The following ZNF804A variants were observed in gnomAD, a reference collection of about 807,000 sequenced individuals.
ZNF804A encodes zinc finger protein 804A.
A neutral mutation model predicts 16.5 loss-of-function variants in ZNF804A; 2 were observed. The ratio of observed to expected loss-of-function variants is 0.12; its 90% CI spans 0.05 to 0.38. ZNF804A has a LOEUF of 0.38. ZNF804A is among the 10% of genes least tolerant of loss of function. ZNF804A has a pLI of 0.99. For missense variants in ZNF804A, 1,473 were observed against 1,390.7 expected (o/e 1.06, Z -0.94); for synonymous variants, 534 against 489.6 (o/e 1.09, Z -1.20).
intron 1 of ZNF804A, among the ~76,000 whole-genome samples, chr2:184,724,913 G>T (rs1693382200): frequency 6.6e-6 from 1 of 151,748 alleles, no homozygotes; most frequent in Non-Finnish European, 1.5e-5. Flanking sequence ...TAATTTTAAG[G>T]CAGTAGGCTG....
chr2:184,623,519 A>G (rs1691449500), intron 1 of ZNF804A, among the ~76,000 whole-genome samples: 2 of 152,120 alleles, frequency 1.3e-5, no homozygotes, highest in South Asian at 4.1e-4. Context: ...TACTATGTTA[A>G]TGGTTCCAAG....
At chr2:184,916,492 C>T (rs539260673) in intron 2 of ZNF804A, among the ~76,000 whole-genome samples, 12 of 152,072 alleles carry the variant, frequency 7.9e-5, no homozygotes, top group Non-Finnish European at 1.6e-4. Flanking sequence ...GAACAATATC[C>T]AGTAAGTGAA....
intron 1 of ZNF804A, among the ~76,000 whole-genome samples, chr2:184,705,567 C>T (rs1425347576): frequency 6.6e-6 from 1 of 152,058 alleles, no homozygotes; most frequent in Non-Finnish European, 1.5e-5. Flanking sequence ...TGTAGTAACC[C>T]AAGGGGTTAG....
intron 1 of ZNF804A, among the ~76,000 whole-genome samples, chr2:184,681,281 C>T (rs895516627): frequency 2.6e-5 from 4 of 152,128 alleles, no homozygotes; most frequent in African/African-American, 7.2e-5. Flanking sequence ...AGAGCCTACA[C>T]TATGCCACAA....
At chr2:184,609,477 C>T (rs1336939558) in intron 1 of ZNF804A, among the ~76,000 whole-genome samples, 2 of 152,192 alleles carry the variant, frequency 1.3e-5, no homozygotes, top group Admixed American at 6.5e-5. Context: ...TAAAAATTAA[C>T]TCTTTGCCTT....
chr2:184,790,124 G>C (rs1366405907), intron 1 of ZNF804A, among the ~76,000 whole-genome samples: 1 of 151,946 alleles, frequency 6.6e-6, no homozygotes, highest in African/African-American at 2.4e-5. Context: ...CCATGTACTT[G>C]TGTAGATTTG....
intron 1 of ZNF804A, among the ~76,000 whole-genome samples, chr2:184,724,592 A>G (rs1693374446): frequency 6.6e-6 from 1 of 151,822 alleles, no homozygotes; most frequent in East Asian, 1.9e-4. Context: ...AGGGAATATT[A>G]GTCACTGAAT....
chr2:184,913,790 T>C (rs1383230414), intron 2 of ZNF804A, among the ~76,000 whole-genome samples: 1 of 152,136 alleles, frequency 6.6e-6, no homozygotes, highest in Non-Finnish European at 1.5e-5. Context: ...CACTCAATAA[T>C]AGTTTCTAAA....
intron 1 of ZNF804A, among the ~76,000 whole-genome samples, chr2:184,844,502 T>C (rs554840959): frequency 2.0e-5 from 3 of 152,236 alleles, no homozygotes; most frequent in South Asian, 4.1e-4. Context: ...TCTAGGTTGT[T>C]GTTTTTTCTT....
At chr2:184,620,037 A>G (rs1691392343) in intron 1 of ZNF804A, among the ~76,000 whole-genome samples, 1 of 151,852 alleles carries the variant, frequency 6.6e-6, no homozygotes, top group Non-Finnish European at 1.5e-5. Flanking sequence ...ACTATTTTAT[A>G]TCACAAAATT....
intron 1 of ZNF804A, among the ~76,000 whole-genome samples, chr2:184,856,330 T>C (rs774151066): frequency 5.3e-5 from 8 of 152,040 alleles, no homozygotes; most frequent in Non-Finnish European, 1.0e-4. Flanking sequence ...CCCTCAACTG[T>C]TTCCAATGTT....
chr2:184,699,375 G>A (rs777089840), intron 1 of ZNF804A, among the ~76,000 whole-genome samples: 30 of 152,010 alleles, frequency 2.0e-4, no homozygotes, highest in Non-Finnish European at 4.4e-5. Flanking sequence ...TAATATTTAG[G>A]CACCATTATG....
intron 1 of ZNF804A, among the ~76,000 whole-genome samples, chr2:184,657,058 T>A (rs568906057): frequency 6.6e-6 from 1 of 152,310 alleles, no homozygotes; most frequent in African/African-American, 2.4e-5. Flanking sequence ...TCTAGCAGTT[T>A]CCTATTTTCT....
intron 1 of ZNF804A, among the ~76,000 whole-genome samples, chr2:184,743,338 AT>A (rs1693736585): frequency 6.6e-6 from 1 of 151,964 alleles, no homozygotes; most frequent in South Asian, 2.1e-4. Flanking sequence ...GAATGCATCT[AT>A]TTGTTTCTAA....
chr2:184,801,607 C>T lies in ZNF804A; in HGVS notation c.112-64762C>T, dbSNP rs545708133. The stretch of plus-strand genomic sequence containing the variant: ...ATCTCTCCAAAGACATTCTTCATTT[C>T]TGTAACAGCATTCATGACTTCATTC... On this transcript the variant is annotated intron_variant, in intron 1 of 3. Transcript: ENST00000302277. Among the ~76,000 whole-genome samples the T allele has an allele frequency of 3.3e-5, 5 of 152,278 alleles. No homozygotes were observed. The South Asian group carries it at 8.3e-4, about 25-fold the overall frequency.
chr2:184,643,195 T>C (rs2105695039), intron 1 of ZNF804A, among the ~76,000 whole-genome samples: 1 of 152,182 alleles, frequency 6.6e-6, no homozygotes, highest in East Asian at 1.9e-4. Flanking sequence ...TTATTACTTT[T>C]CTTTTTATTT....
chr2:184,939,193 C>A lies in ZNF804A; in HGVS notation c.*167C>A. On this transcript the variant is annotated 3_prime_UTR_variant, in exon 4 of 4. Transcript: ENST00000302277. Reference sequence around the variant, plus strand: ...TGTAAGTGCAATGATGCAAATAAATCCCTAAGTTTCTGATATATAATATTA... The same window carrying A: ...TGTAAGTGCAATGATGCAAATAAATACCTAAGTTTCTGATATATAATATTA... 1 of 754,542 alleles carries A rather than the reference C, an allele frequency of 1.3e-6. No homozygotes were observed. Among genetic ancestry groups the A allele is most frequent in the Non-Finnish European group, 2.1e-6 (1 of 477,446 alleles). The allele number at this position is 754,542 out of a possible 1,614,324, so 46.7% of individuals were successfully genotyped here. A position where few individuals can be genotyped will look rare whatever the true frequency, so the allele number is the denominator to read the frequency against.
At chr2:184,795,564 A>G (rs1694618248) in intron 1 of ZNF804A, among the ~76,000 whole-genome samples, 1 of 152,156 alleles carries the variant, frequency 6.6e-6, no homozygotes, top group African/African-American at 2.4e-5. Flanking sequence ...AAAGGAAATA[A>G]CCAGGATCAG....
intron 1 of ZNF804A, among the ~76,000 whole-genome samples, chr2:184,729,265 A>G (rs554936916): frequency 1.4e-4 from 21 of 152,078 alleles, no homozygotes; most frequent in African/African-American, 5.1e-4. Context: ...TATATATATT[A>G]AAAATCATGT....
Sources: allele counts gnomAD v4.1 joint callset (sites outside exome capture counted in the v4.1 genomes callset), GRCh38; gene constraint gnomAD v4.1.1; transcripts MANE v1.5; gene names NCBI Gene and HGNC (gene_info 2026-07-23, HGNC 2026-07-21).